Variants in BBS9 observed in about 807,000 individuals in gnomAD.
BBS9 encodes the protein Bardet-Biedl syndrome 9, also known as protein PTHB1.
A neutral mutation model predicts 117.7 loss-of-function variants in BBS9; 89 were observed. The observed-to-expected ratio is 0.76, with a 90% confidence interval of 0.64 to 0.90. The LOEUF is 0.90. Ranked by LOEUF, BBS9 falls within the 40% of genes least tolerant of loss-of-function variation. BBS9 has a pLI of 0.00. For synonymous variants in BBS9, 379 were observed against 370.9 expected, an observed-to-expected ratio of 1.02 and a Z score of -0.25; for missense variants, 982 against 1,042.2, an observed-to-expected ratio of 0.94 and a Z score of 0.80.
At position 33,210,184 on chromosome 7, in the gene BBS9, A is replaced by T. The variant is rs1787748105; in HGVS notation, c.442+32593A>T. 2.2e-5 allele frequency among the ~76,000 whole-genome samples: 3 copies of T among 139,056 alleles called. No individual in the cohort carries two copies. The South Asian group carries it at 6.6e-4, about 31-fold the overall frequency. The allele number at this position is 139,056 out of a possible 152,430, so 91.2% of individuals were successfully genotyped here. A position where few individuals can be genotyped will look rare whatever the true frequency, so the allele number is the denominator to read the frequency against. On this transcript the variant is annotated intron_variant, in intron 5 of 22. Coordinates refer to ENST00000242067, the MANE Select transcript of BBS9 (RefSeq NM_198428.3). ...TTCAGGAGCATATTGTTTAATTTCC[A>T]TGTATTTGTATAGTTTCCAAAATTC...
chr7:33,174,165 C>T (rs1404764429), intron 4 of BBS9, among the ~76,000 whole-genome samples: 1 of 152,176 alleles, frequency 6.6e-6, no homozygotes, highest in African/African-American at 2.4e-5. Context: ...CTCAAAGAAA[C>T]TAGGAGAGCT....
intron 20 of BBS9, among the ~76,000 whole-genome samples, chr7:33,518,541 G>A (rs1018289556): frequency 2.0e-5 from 3 of 151,964 alleles, no homozygotes; most frequent in African/African-American, 4.8e-5. Flanking sequence ...GAGCCACCGC[G>A]CCCGGCCTAT....
intron 19 of BBS9, among the ~76,000 whole-genome samples, chr7:33,451,609 G>A (rs2128917698): frequency 6.6e-6 from 1 of 152,214 alleles, no homozygotes; most frequent in South Asian, 2.1e-4. Flanking sequence ...TTTGTGATGG[G>A]TTTTGAAATC....
chr7:33,304,566 C>G (rs1458069075), intron 9 of BBS9, among the ~76,000 whole-genome samples: 2 of 152,108 alleles, frequency 1.3e-5, no homozygotes, highest in Non-Finnish European at 2.9e-5. Flanking sequence ...TGAGGAGCGC[C>G]TCTGCCTGGC....
At position 33,422,754 on chromosome 7, in the gene BBS9, G is replaced by T. The variant is rs137876922; in HGVS notation, c.2115+34610G>T. ...AAAGAAAAGTATAATTAATAAATGC[G>T]AATGTTCAGTTTATTTTTTATTTTT... On this transcript the variant is annotated intron_variant, in intron 19 of 22. Transcript: ENST00000242067. Among the ~76,000 whole-genome samples the T allele has an allele frequency of 6.6e-5, 10 of 152,092 alleles. No individual in the cohort carries two copies. The East Asian group carries it at 1.9e-3, about 29-fold the overall frequency.
chr7:33,479,236 C>T (rs920378967), intron 19 of BBS9, among the ~76,000 whole-genome samples: 2 of 152,128 alleles, frequency 1.3e-5, no homozygotes, highest in Non-Finnish European at 2.9e-5. Flanking sequence ...TTTTTCAACC[C>T]ATGCCTCCTT....
intron 4 of BBS9, 21 bp from the exon 5 acceptor site, chr7:33,177,456 AT>A: frequency 6.9e-7 from 1 of 1,440,148 alleles, no homozygotes; most frequent in Non-Finnish European, 9.8e-7. Context: ...ATACAAAGTA[AT>A]CCTTTTTTTT....
intron 21 of BBS9, among the ~76,000 whole-genome samples, chr7:33,558,242 A>G (rs987629535): frequency 1.3e-5 from 2 of 152,202 alleles, no homozygotes; most frequent in Non-Finnish European, 2.9e-5. Context: ...CACAAACAAC[A>G]AAAAAGATCA....
intron 4 of BBS9, among the ~76,000 whole-genome samples, chr7:33,176,502 G>A (rs1401341519): frequency 2.0e-5 from 3 of 152,108 alleles, no homozygotes; most frequent in African/African-American, 4.8e-5. Context: ...AACTTAAGGT[G>A]CTTCAATTCT....
At chr7:33,171,432 T>C (rs1266229902) in intron 4 of BBS9, among the ~76,000 whole-genome samples, 1 of 152,228 alleles carries the variant, frequency 6.6e-6, no homozygotes, top group East Asian at 1.9e-4. Context: ...CTTGCTTTTG[T>C]TTATACACTA....
chr7:33,542,747 A>G lies in BBS9; in HGVS notation c.2521+8571A>G, dbSNP rs1352015837. 4.3e-4 allele frequency among the ~76,000 whole-genome samples: 64 copies of G among 148,026 alleles called. 1 individual carries two copies. Among genetic ancestry groups the G allele is most frequent in the Admixed American group, 4.3e-3 (64 of 14,964 alleles). On this transcript the variant is annotated intron_variant, in intron 21 of 22. Transcript: ENST00000242067. ...TGTGTGTGTGTATATGTGTGTGTATATATATATACACGTATGTATATGTGA... is the reference window on the plus strand; with the variant it reads ...TGTGTGTGTGTATATGTGTGTGTATGTATATATACACGTATGTATATGTGA...
intron 11 of BBS9, among the ~76,000 whole-genome samples, chr7:33,342,448 A>T (rs1245834637): frequency 6.6e-6 from 1 of 152,080 alleles, no homozygotes; most frequent in Non-Finnish European, 1.5e-5. Flanking sequence ...AACATAGGCT[A>T]TTTGGAATGA....
chr7:33,138,507 C>G (rs1186525523), intron 1 of BBS9, among the ~76,000 whole-genome samples: 1 of 151,040 alleles, frequency 6.6e-6, no homozygotes, highest in African/African-American at 2.4e-5. Context: ...TTGAGTGATA[C>G]AGATGCTGCT....
At chr7:33,178,657 T>G (rs948497585) in intron 5 of BBS9, among the ~76,000 whole-genome samples, 5 of 152,192 alleles carry the variant, frequency 3.3e-5, no homozygotes, top group African/African-American at 1.2e-4. Flanking sequence ...TTTTATAATA[T>G]CTTAGCTCTT....
At chr7:33,217,901 G>C (rs1789387167) in intron 5 of BBS9, among the ~76,000 whole-genome samples, 1 of 151,858 alleles carries the variant, frequency 6.6e-6, no homozygotes, top group South Asian at 2.1e-4. Flanking sequence ...TAAAAATAAA[G>C]CATTAAAAAA....
intron 6 of BBS9, among the ~76,000 whole-genome samples, chr7:33,261,339 A>C (rs1797952808): frequency 6.6e-6 from 1 of 152,214 alleles, no homozygotes; most frequent in Non-Finnish European, 1.5e-5. Context: ...TATCCCCTGA[A>C]GTGCCCAGCA....
chr7:33,157,137 C>T (rs560710527), intron 4 of BBS9, among the ~76,000 whole-genome samples: 3 of 152,166 alleles, frequency 2.0e-5, no homozygotes, highest in South Asian at 2.1e-4. Flanking sequence ...GCTAGAAATT[C>T]GATTAGACAC....
intron 20 of BBS9, among the ~76,000 whole-genome samples, chr7:33,530,752 T>C (rs2129055575): frequency 6.6e-6 from 1 of 152,302 alleles, no homozygotes; most frequent in South Asian, 2.1e-4. Flanking sequence ...TTTATGGTCT[T>C]TTAGGTCTCT....
At chr7:33,274,649 A>G (rs1800401091) in intron 9 of BBS9, among the ~76,000 whole-genome samples, 1 of 152,134 alleles carries the variant, frequency 6.6e-6, no homozygotes, top group Non-Finnish European at 1.5e-5. Context: ...AGCTTCATAG[A>G]TTCTCAGATG....
Sources: allele counts gnomAD v4.1 joint callset (sites outside exome capture counted in the v4.1 genomes callset), GRCh38; gene constraint gnomAD v4.1.1; transcripts MANE v1.5; gene names NCBI Gene and HGNC (gene_info 2026-07-23, HGNC 2026-07-21).